The following MED16 variants were observed in gnomAD, a reference collection of about 807,000 sequenced individuals.
MED16 encodes mediator of RNA polymerase II transcription subunit 16.
Under a neutral mutation model 84.4 loss-of-function variants are expected in MED16, and 81 were observed. That is an observed-to-expected ratio of 0.96 (90% CI 0.80 to 1.15). The LOEUF is 1.15. Ranked by LOEUF, MED16 falls within the 50% of genes most tolerant of loss-of-function variation. The probability of loss-of-function intolerance (pLI) is 0.00; values close to 1 mark genes in which losing one functional copy is unlikely to be tolerated. For missense variants in MED16, 1,585 were observed against 1,245.9 expected, an observed-to-expected ratio of 1.27 and a Z score of -4.10; for synonymous variants, 897 against 552.2, an observed-to-expected ratio of 1.62 and a Z score of -8.76.
At chr19:878,719 G>A (rs1447393070) in intron 8 of MED16, among the ~76,000 whole-genome samples, 5 of 126,392 alleles carry the variant, frequency 4.0e-5, no homozygotes, top group Non-Finnish European at 6.3e-5. Context: ...GCCTTCCCCT[G>A]GTTGTCAATC....
At chr19:884,251 A>G (rs1412542087) in intron 6 of MED16, among the ~76,000 whole-genome samples, 1 of 152,102 alleles carries the variant, frequency 6.6e-6, no homozygotes. Context: ...CTGAAAACCA[A>G]GCGGCTGTTC....
chr19:889,583 C>T, intron 4 of MED16, 55 bp downstream of exon 4: 1 of 1,547,844 alleles, frequency 6.5e-7, no homozygotes, highest in Admixed American at 1.8e-5. Context: ...TGGCGGGTGG[C>T]TGGGTAGGGT....
intron 6 of MED16, 145 bp downstream of exon 6, chr19:884,758 G>A (rs1450173710): frequency 3.1e-6 from 2 of 651,022 alleles, no homozygotes; most frequent in Non-Finnish European, 5.5e-6. Flanking sequence ...CGAGATCCTA[G>A]CACTACTGGA....
chr19:868,237 C>T lies in MED16; in HGVS notation c.2498G>A (p.Arg833His), dbSNP rs748410169. 58 of 1,595,512 alleles carry T rather than the reference C, an allele frequency of 3.6e-5. No homozygotes were observed. The South Asian group carries it at 3.7e-4, about 10-fold the overall frequency. ...WIKNCLAVEG[R>H]GPDACVTSRA... ...GCTGGTCACGCAGGCGTCCGGCCCA[C>T]GGCCTTCAACAGCCCTGCAGGGCGG... The change falls in exon 16 of 16, where the codon CGT (arginine) becomes CAT (histidine). Residue 833 changes from arginine to histidine, a missense_variant. Physicochemically the swap from Arg to His is conservative, Grantham distance 29. Transcript: ENST00000325464.
rs540745566 is a variant in MED16 at position 876,539 on chromosome 19, G to A, written c.1560+435C>T. Among the ~76,000 whole-genome samples, 169 of 152,184 alleles carry A rather than the reference G, an allele frequency of 1.1e-3. 2 individuals are homozygous for A. Among genetic ancestry groups the A allele is most frequent in the African/African-American group, 3.9e-3 (160 of 41,496 alleles). On this transcript the variant is annotated intron_variant, in intron 9 of 15. Transcript: ENST00000325464. ...TCAGGCCTTACCTGTGGGGCTTAACGTGTTACAGAAGAAACTTCCCAGGTA... is the reference window on the plus strand; with the variant it reads ...TCAGGCCTTACCTGTGGGGCTTAACATGTTACAGAAGAAACTTCCCAGGTA...
intron 13 of MED16, 70 bp downstream of exon 13, chr19:870,967 T>G: frequency 7.5e-7 from 1 of 1,328,162 alleles, no homozygotes; most frequent in Non-Finnish European, 9.9e-7. Flanking sequence ...CCGTGTGGAT[T>G]CGGGGGTCCC....
chr19:880,648 G>A (rs966026263), intron 7 of MED16, among the ~76,000 whole-genome samples: 4 of 152,216 alleles, frequency 2.6e-5, no homozygotes, highest in African/African-American at 7.2e-5. Context: ...AGCCGGGCGC[G>A]GTGGCTCACG....
rs1191034363 is a variant in MED16, at chr19:890,815, G to A, written c.169+148C>T. On this transcript the variant is annotated intron_variant, in intron 2 of 15. Transcript: ENST00000325464. ...ACCCTCTGTACCCCCAGGAGGCTGAGGCTCTCACACAAGTTACAGAGGAGG... is the reference window on the plus strand; with the variant it reads ...ACCCTCTGTACCCCCAGGAGGCTGAAGCTCTCACACAAGTTACAGAGGAGG... The A allele has an allele frequency of 8.3e-6, 7 of 845,112 alleles. No homozygotes were observed. In the Admixed American group the frequency reaches 1.0e-4, roughly 12 times the overall value. 52.4% of individuals were successfully genotyped at this position (845,112 alleles called of 1,614,324 possible).
chr19:889,591 G>A (rs1296012914), intron 4 of MED16, 47 bp downstream of exon 4: 5 of 1,564,866 alleles, frequency 3.2e-6, no homozygotes, highest in Non-Finnish European at 4.4e-6. Context: ...GGCTGGGTAG[G>A]GTGACATCTC....
In MED16 at chr19:880,025, G is replaced by C. The variant is rs753116958; in HGVS notation, c.1265C>G (p.Pro422Arg). ...RPVDEPAMKRPRTAGPAVHLK... is the reference protein window; with the variant it reads ...RPVDEPAMKRRRTAGPAVHLK... ...GTGGACGGCGGGGCCCGCGGTGCGG[G>C]GGCGCTTCATGGCCGGCTCATCCAC... The change falls in exon 8 of 16, where the codon CCC becomes CGC. Residue 422 changes from proline (P) to arginine (R), a missense_variant. Transcript: ENST00000325464. The C allele has an allele frequency of 1.6e-5, 26 of 1,610,692 alleles. No individual in the cohort carries two copies. The highest frequency in any genetic ancestry group is 2.0e-5 in the Non-Finnish European group (23 of 1,179,094).
intron 13 of MED16, among the ~76,000 whole-genome samples, chr19:869,507 G>T (rs537175605): frequency 6.6e-6 from 1 of 152,152 alleles, no homozygotes; most frequent in Non-Finnish European, 1.5e-5. Context: ...AGCCTCTGAC[G>T]TAACCGTCCT....
At chr19:881,459 C>T in intron 7 of MED16, 100 bp downstream of exon 7, 2 of 1,391,182 alleles carry the variant, frequency 1.4e-6, no homozygotes, top group Non-Finnish European at 1.9e-6. Context: ...GAGCCCACGT[C>T]CTCTGGTGTG....
At chr19:876,863 G>GACCACCTGCCACGGGGCC in intron 9 of MED16, 111 bp downstream of exon 9, 2 of 887,896 alleles carry the variant, frequency 2.3e-6, no homozygotes. Flanking sequence ...CCTGGCACGG[G>GACCACCTGCCACGGGGCC]ACCACCTGCC....
intron 6 of MED16, among the ~76,000 whole-genome samples, chr19:884,465 G>A (rs2036484817): frequency 6.6e-6 from 1 of 152,122 alleles, no homozygotes; most frequent in Admixed American, 6.5e-5. Context: ...CTGACCCGCT[G>A]AGCCTTGGCT....
Position 868,176 on chromosome 19 carries a change from C to T in MED16, c.2559G>A (p.Leu853=). 1.2e-6 allele frequency: 2 copies of T among 1,610,496 alleles called. No homozygotes were observed. Among genetic ancestry groups the T allele is most frequent in the Non-Finnish European group, 1.7e-6 (2 of 1,178,992 alleles). ...GAGAGTGGTGTGTGGACTGCGGGCC[C>T]AGCTGGACAAAGGCAGGGGCTTCCT... ...ASEEAPAFVQ[L]GPQSTHHSPR... The change falls in exon 16 of 16, where the codon CTG becomes CTA. Residue 853 remains leucine (L), a synonymous_variant. Coordinates refer to ENST00000325464, the MANE Select transcript of MED16 (RefSeq NM_005481.3).
intron 13 of MED16, among the ~76,000 whole-genome samples, chr19:870,097 G>A (rs1477662182): frequency 6.6e-6 from 1 of 152,326 alleles, no homozygotes; most frequent in South Asian, 2.1e-4. Context: ...GCCCCCGGGA[G>A]ATCCTCCTGA....
At chr19:889,354 T>C (rs558016879) in intron 4 of MED16, among the ~76,000 whole-genome samples, 1 of 151,636 alleles carries the variant, frequency 6.6e-6, no homozygotes, top group Non-Finnish European at 1.5e-5. Flanking sequence ...GTGAAAGAGA[T>C]AACTCACTAA....
chr19:885,013 G>T lies in MED16; in HGVS notation c.880-5C>A. The T allele has an allele frequency of 6.3e-7, 1 of 1,585,780 alleles. No homozygotes were observed. Among genetic ancestry groups the T allele is most frequent in the South Asian group, 1.1e-5 (1 of 88,700 alleles). The stretch of plus-strand genomic sequence containing the variant: ...GCTGGACGCGCACAAAAGCACCTGC[G>T]GGGGAGGTGGGGGTGAGGGCTGACC... On this transcript the variant is annotated splice_polypyrimidine_tract_variant and splice_region_variant and intron_variant, in intron 5 of 15. Transcript: ENST00000325464.
chr19:882,010 C>T (rs1568329234), intron 6 of MED16, among the ~76,000 whole-genome samples: 1 of 152,254 alleles, frequency 6.6e-6, no homozygotes, highest in Non-Finnish European at 1.5e-5. Context: ...GACGGCGCCA[C>T]CTCAGACCTG....
Sources: gnomAD v4.1 joint callset for allele counts (sites outside exome capture counted in the v4.1 genomes callset) on GRCh38, gnomAD v4.1.1 for gene constraint, MANE v1.5 for transcripts, NCBI Gene and HGNC (gene_info 2026-07-23, HGNC 2026-07-21) for gene names.